Variants in PTPN3 observed in about 807,000 individuals in gnomAD.
The protein encoded by PTPN3 is protein tyrosine phosphatase non-receptor type 3, also known as tyrosine-protein phosphatase non-receptor type 3.
A neutral mutation model predicts 132.7 loss-of-function variants in PTPN3; 96 were observed. The ratio of observed to expected loss-of-function variants is 0.72; its 90% CI spans 0.61 to 0.86. PTPN3 has a LOEUF of 0.86. Ranked by LOEUF, PTPN3 falls within the 40% of genes least tolerant of loss-of-function variation. The pLI, the probability that PTPN3 is intolerant of heterozygous loss-of-function variation, is 0.00. For synonymous variants in PTPN3, 398 were observed against 429.0 expected, an observed-to-expected ratio of 0.93 and a Z score of 0.89; for missense variants, 1,125 against 1,159.6, an observed-to-expected ratio of 0.97 and a Z score of 0.43.
At chr9:109,438,789 AG>A (rs920768335) in intron 7 of PTPN3, among the ~76,000 whole-genome samples, 2 of 152,218 alleles carry the variant, frequency 1.3e-5, no homozygotes, top group African/African-American at 4.8e-5. Flanking sequence ...AAAGGGGACC[AG>A]GATGTGCTCA....
chr9:109,534,261 A>G, the PTPN3 span: 98 of 1,527,920 alleles, frequency 6.4e-5, no homozygotes, highest in Non-Finnish European at 8.4e-5. Flanking sequence ...GCGTGGTGTC[A>G]CCGGCGCTGA....
chr9:109,450,874 C>T, intron 5 of PTPN3: 1 of 985,386 alleles, frequency 1.0e-6, no homozygotes, highest in Non-Finnish European at 1.2e-6. Flanking sequence ...CCTTAACAAA[C>T]AAACAAAAAC....
At chr9:109,447,010 C>G (rs1588442607) in intron 6 of PTPN3, among the ~76,000 whole-genome samples, 1 of 152,112 alleles carries the variant, frequency 6.6e-6, no homozygotes, top group Non-Finnish European at 1.5e-5. Context: ...GTCAAAAGAC[C>G]CACAGTTACA....
chr9:109,475,580 T>C (rs2132085290), intron 1 of PTPN3, among the ~76,000 whole-genome samples: 1 of 152,284 alleles, frequency 6.6e-6, no homozygotes, highest in East Asian at 1.9e-4. Context: ...TGGAATACAT[T>C]TACTCCACAG....
At chr9:109,505,551 T>C in the PTPN3 span, among the ~76,000 whole-genome samples, 1 of 152,216 alleles carries the variant, frequency 6.6e-6, no homozygotes, top group Non-Finnish European at 1.5e-5. Flanking sequence ...AGTGTTGGGA[T>C]TACAGGCGTG....
At chr9:109,532,513 C>A in the PTPN3 span, among the ~76,000 whole-genome samples, 88 of 151,204 alleles carry the variant, frequency 5.8e-4, no homozygotes, top group African/African-American at 1.8e-3. Context: ...GAAGTTCTTA[C>A]ACATCTCCAC....
rs561706778 is a variant in PTPN3 at position 109,418,126 on chromosome 9, G to A, written c.1313+2298C>T. On this transcript the variant is annotated intron_variant, in intron 14 of 25. Coordinates refer to ENST00000374541, the MANE Select transcript of PTPN3 (RefSeq NM_002829.4). ...GAAAATCTGATGTAGGGCACGTACTGTTCCCTAAGCCCCCCTTTTCCTTTC... is the reference window on the plus strand; with the variant it reads ...GAAAATCTGATGTAGGGCACGTACTATTCCCTAAGCCCCCCTTTTCCTTTC... Among the ~76,000 whole-genome samples the A allele has an allele frequency of 9.2e-5, 14 of 152,314 alleles. No homozygotes were observed. In the South Asian group the frequency reaches 2.9e-3, roughly 32 times the overall value.
intron 1 of PTPN3, among the ~76,000 whole-genome samples, chr9:109,474,911 A>T (rs1400651934): frequency 6.6e-6 from 1 of 152,114 alleles, no homozygotes; most frequent in African/African-American, 2.4e-5. Flanking sequence ...CTACCTATAA[A>T]AGAGGAAGGA....
chr9:109,415,700 C>T (rs548594835), intron 14 of PTPN3, among the ~76,000 whole-genome samples: 18 of 152,138 alleles, frequency 1.2e-4, no homozygotes, highest in Middle Eastern at 3.4e-3. Flanking sequence ...TAAGAGATGT[C>T]TGGGAGGTAG....
the PTPN3 span, among the ~76,000 whole-genome samples, chr9:109,538,039 A>G: frequency 1.3e-5 from 2 of 152,228 alleles, no homozygotes; most frequent in Admixed American, 6.5e-5. Context: ...AATTTCTCCT[A>G]AAAGGGAGTT....
chr9:109,412,074 C>T (rs1314910410), intron 14 of PTPN3, among the ~76,000 whole-genome samples: 2 of 152,218 alleles, frequency 1.3e-5, no homozygotes, highest in East Asian at 3.8e-4. Flanking sequence ...ACAAGAGCAT[C>T]ACCCAGTGGC....
the PTPN3 span, among the ~76,000 whole-genome samples, chr9:109,523,415 A>C: frequency 6.6e-6 from 1 of 152,110 alleles, no homozygotes; most frequent in East Asian, 1.9e-4. Flanking sequence ...TGCCCAGCCT[A>C]TATCATTTTT....
At chr9:109,508,718 T>TAGAC in the PTPN3 span, among the ~76,000 whole-genome samples, 1 of 81,162 alleles carries the variant, frequency 1.2e-5, no homozygotes, top group South Asian at 4.4e-4. Context: ...AATCAATCAG[T>TAGAC]AGATAGAAAA....
chr9:109,534,791 A>C, the PTPN3 span, among the ~76,000 whole-genome samples: 1 of 149,238 alleles, frequency 6.7e-6, no homozygotes, highest in Non-Finnish European at 1.5e-5. Flanking sequence ...GACAAGAGCG[A>C]GACTCCGTCT....
rs1195656902 is a variant in PTPN3 at position 109,376,159 on chromosome 9, A to T, written c.*3397T>A. 6.6e-6 allele frequency: 1 copy of T among 152,170 alleles called. No homozygotes were observed. The highest frequency in any genetic ancestry group is 1.5e-5 in the Non-Finnish European group (1 of 68,038). The allele number at this position is 152,170 out of a possible 1,614,324, so 9.4% of individuals were successfully genotyped here. A position where few individuals can be genotyped will look rare whatever the true frequency, so the allele number is the denominator to read the frequency against. On this transcript the variant is annotated 3_prime_UTR_variant, in exon 26 of 26. Transcript: ENST00000374541. ...GAATATCAGCCTCCCAGAATGGCAA[A>T]TCTTGACCTCATCTAGTCCAGCCCA...
intron 17 of PTPN3, among the ~76,000 whole-genome samples, chr9:109,407,898 A>C (rs1338734008): frequency 1.3e-5 from 2 of 152,212 alleles, no homozygotes; most frequent in Non-Finnish European, 2.9e-5. Context: ...TGCTCTTCTT[A>C]GGAGGCCTAC....
At chr9:109,489,627 G>A (rs892450470) in intron 1 of PTPN3, among the ~76,000 whole-genome samples, 7 of 152,096 alleles carry the variant, frequency 4.6e-5, no homozygotes, top group African/African-American at 1.4e-4. Flanking sequence ...GTTCTTGGGG[G>A]CCTAGGCCTG....
At chr9:109,384,410 A>C (rs571067549) in intron 22 of PTPN3, among the ~76,000 whole-genome samples, 98 of 152,346 alleles carry the variant, frequency 6.4e-4, no homozygotes, top group African/African-American at 2.2e-3. Context: ...ACTCGGGATT[A>C]AGTGACTTGC....
At chr9:109,524,686 C>A in the PTPN3 span, among the ~76,000 whole-genome samples, 103 of 152,262 alleles carry the variant, frequency 6.8e-4, no homozygotes, top group African/African-American at 2.5e-3. Context: ...GTTATGGATT[C>A]TTTTCCTTTT....
Sources: allele counts gnomAD v4.1 joint callset (sites outside exome capture counted in the v4.1 genomes callset), GRCh38; gene constraint gnomAD v4.1.1; transcripts MANE v1.5; gene names NCBI Gene and HGNC (gene_info 2026-07-23, HGNC 2026-07-21).